Variants in NKAIN3 observed in about 807,000 individuals in gnomAD.
NKAIN3 encodes sodium/potassium-transporting ATPase subunit beta-1-interacting protein 3.
A neutral mutation model predicts 30.2 loss-of-function variants in NKAIN3; 25 were observed. The observed-to-expected ratio is 0.83, with a 90% CI of 0.60 to 1.16. The LOEUF (loss-of-function observed/expected upper bound fraction) is 1.16. Ranked by LOEUF, NKAIN3 falls within the 50% of genes most tolerant of loss-of-function variation. NKAIN3 has a pLI of 0.00. For synonymous variants in NKAIN3, 91 were observed against 89.6 expected (o/e 1.02, Z -0.09); for missense variants, 225 against 254.1 (o/e 0.89, Z 0.78).
chr8:62,379,605 T>C (rs1278026976), intron 1 of NKAIN3, among the ~76,000 whole-genome samples: 1 of 152,192 alleles, frequency 6.6e-6, no homozygotes, highest in Non-Finnish European at 1.5e-5. Flanking sequence ...TTTATGAGTC[T>C]GGCATTTTCC....
chr8:62,871,592 T>C (rs1233332576), intron 4 of NKAIN3, among the ~76,000 whole-genome samples: 1 of 152,232 alleles, frequency 6.6e-6, no homozygotes, highest in East Asian at 1.9e-4. Context: ...ATTTTATAAC[T>C]GCAGAGGGGC....
intron 4 of NKAIN3, among the ~76,000 whole-genome samples, chr8:62,870,276 A>ATATATAAATATC (rs1820581559): frequency 9.7e-6 from 1 of 103,086 alleles, no homozygotes; most frequent in African/African-American, 3.9e-5. Context: ...ATATAGATAT[A>ATATATAAATATC]TATAAATATC....
intron 1 of NKAIN3, among the ~76,000 whole-genome samples, chr8:62,321,122 A>C (rs549691610): frequency 2.0e-5 from 3 of 152,302 alleles, no homozygotes; most frequent in Non-Finnish European, 4.4e-5. Flanking sequence ...CAGTTGATCA[A>C]ATCAGCTACT....
At chr8:62,324,769 G>A (rs1292215303) in intron 1 of NKAIN3, among the ~76,000 whole-genome samples, 3 of 152,086 alleles carry the variant, frequency 2.0e-5, no homozygotes, top group African/African-American at 7.2e-5. Context: ...AGAATAAGTA[G>A]TTAATAAGTC....
chr8:62,862,814 A>G (rs527424751), intron 4 of NKAIN3, among the ~76,000 whole-genome samples: 165 of 152,366 alleles, frequency 1.1e-3, no homozygotes, highest in South Asian at 0.011. Flanking sequence ...GTTAGATAAT[A>G]TAAGTGTAGC....
intron 3 of NKAIN3, among the ~76,000 whole-genome samples, chr8:62,663,952 G>GA (rs1403815278): frequency 2.0e-5 from 3 of 151,836 alleles, no homozygotes; most frequent in South Asian, 2.1e-4. Flanking sequence ...TGCACAGGAT[G>GA]AAAAAAAATT....
In NKAIN3 at chr8:62,484,687, T is replaced by C. The variant is rs995265586; in HGVS notation, c.55-94852T>C. Among the ~76,000 whole-genome samples the C allele has an allele frequency of 1.3e-5, 2 of 152,216 alleles. 1 individual carries two copies. Among genetic ancestry groups the C allele is most frequent in the South Asian group, 4.1e-4 (2 of 4,832 alleles). ...TCTTTCTGGATAAGCAGAAATCTAT[T>C]CCTTTCCTTTTCATTCTGCATGGGA... On this transcript the variant is annotated intron_variant, in intron 1 of 6. Transcript: ENST00000623646.
chr8:62,264,851 C>T (rs1359612990), intron 1 of NKAIN3, among the ~76,000 whole-genome samples: 2 of 152,124 alleles, frequency 1.3e-5, no homozygotes, highest in African/African-American at 2.4e-5. Context: ...AGCCTGGCTG[C>T]GTCACACCAT....
At chr8:62,451,970 A>G (rs1805654628) in intron 1 of NKAIN3, among the ~76,000 whole-genome samples, 1 of 152,142 alleles carries the variant, frequency 6.6e-6, no homozygotes, top group Admixed American at 6.5e-5. Flanking sequence ...ATTTTCCAGG[A>G]TATATCAATA....
At chr8:62,773,215 C>T (rs533117423) in intron 4 of NKAIN3, among the ~76,000 whole-genome samples, 2 of 152,142 alleles carry the variant, frequency 1.3e-5, no homozygotes, top group South Asian at 4.1e-4. Context: ...TTTTAATTCA[C>T]TTTGATCTGA....
chr8:62,442,717 G>A (rs1239205076), intron 1 of NKAIN3, among the ~76,000 whole-genome samples: 2 of 151,540 alleles, frequency 1.3e-5, no homozygotes, highest in Non-Finnish European at 2.9e-5. Flanking sequence ...ATTGAAAGCT[G>A]TAATTTTTCC....
At chr8:62,411,677 T>C (rs768429563) in intron 1 of NKAIN3, among the ~76,000 whole-genome samples, 11 of 152,208 alleles carry the variant, frequency 7.2e-5, no homozygotes, top group Non-Finnish European at 1.5e-4. Flanking sequence ...GTCAAGAGAC[T>C]ACTAGAACTG....
intron 3 of NKAIN3, among the ~76,000 whole-genome samples, chr8:62,716,100 G>A (rs776463936): frequency 3.3e-5 from 5 of 152,098 alleles, no homozygotes; most frequent in Non-Finnish European, 7.4e-5. Flanking sequence ...TTGACTGAAT[G>A]AGTGTAGATC....
At chr8:62,602,168 A>G (rs1306406568) in intron 3 of NKAIN3, among the ~76,000 whole-genome samples, 4 of 152,082 alleles carry the variant, frequency 2.6e-5, no homozygotes, top group East Asian at 3.9e-4. Context: ...AGAAATTTGT[A>G]TTGTAATCTT....
chr8:62,581,003 C>T (rs1289673470), intron 2 of NKAIN3, among the ~76,000 whole-genome samples: 4 of 148,018 alleles, frequency 2.7e-5, no homozygotes, highest in African/African-American at 5.0e-5. Flanking sequence ...CTTGGGGGGC[C>T]AAGGCAGGAG....
At chr8:62,321,958 G>T (rs1814934429) in intron 1 of NKAIN3, among the ~76,000 whole-genome samples, 2 of 152,314 alleles carry the variant, frequency 1.3e-5, no homozygotes, top group Middle Eastern at 6.8e-3. Flanking sequence ...AGACCTCCTT[G>T]AGCTGCGGTG....
intron 1 of NKAIN3, among the ~76,000 whole-genome samples, chr8:62,575,230 CCA>C (rs1810073028): frequency 1.3e-5 from 2 of 152,064 alleles, no homozygotes; most frequent in African/African-American, 4.8e-5. Flanking sequence ...CCTAAAGACT[CCA>C]CCAAAAATAT....
At chr8:62,514,496 T>C (rs1807920250) in intron 1 of NKAIN3, among the ~76,000 whole-genome samples, 1 of 152,194 alleles carries the variant, frequency 6.6e-6, no homozygotes, top group Non-Finnish European at 1.5e-5. Flanking sequence ...TTCCTCACTT[T>C]TCACAGATAC....
At chr8:62,594,118 G>A (rs1810746405) in intron 3 of NKAIN3, among the ~76,000 whole-genome samples, 5 of 151,818 alleles carry the variant, frequency 3.3e-5, no homozygotes, top group Admixed American at 2.0e-4. Flanking sequence ...TTCCCTGCTT[G>A]GAGTTTTGCA....
Sources: gnomAD v4.1 joint callset for allele counts (sites outside exome capture counted in the v4.1 genomes callset) on GRCh38, gnomAD v4.1.1 for gene constraint, MANE v1.5 for transcripts, NCBI Gene and HGNC (gene_info 2026-07-23, HGNC 2026-07-21) for gene names.